Variants in YTHDC2 observed in about 807,000 individuals in gnomAD.
YTHDC2 encodes the protein YTH N6-methyladenosine RNA binding protein C2.
A neutral mutation model predicts 174.9 loss-of-function variants in YTHDC2; 45 were observed. The observed-to-expected ratio is 0.26, with a 90% CI of 0.20 to 0.33. YTHDC2 has a LOEUF of 0.33. YTHDC2 is among the 10% of genes least tolerant of loss of function. The pLI is 1.00. For missense variants in YTHDC2, 1,650 were observed against 1,723.7 expected (o/e 0.96, Z 0.76); for synonymous variants, 657 against 574.5 (o/e 1.14, Z -2.05).
At chr5:113,537,042 A>G (rs1199428213) in intron 7 of YTHDC2, among the ~76,000 whole-genome samples, 2 of 152,294 alleles carry the variant, frequency 1.3e-5, no homozygotes, top group South Asian at 2.1e-4. Flanking sequence ...AGTTGGTTCT[A>G]GATCCCCCGC....
intron 2 of YTHDC2, among the ~76,000 whole-genome samples, chr5:113,521,686 G>A (rs1371642672): frequency 2.0e-5 from 3 of 150,564 alleles, no homozygotes; most frequent in Non-Finnish European, 4.4e-5. Flanking sequence ...AGCCGAGATC[G>A]TGCCACTGCA....
At chr5:113,591,959 T>C (rs1283265663) in intron 27 of YTHDC2, 37 bp from the exon 28 acceptor site, 1 of 1,461,696 alleles carries the variant, frequency 6.8e-7, no homozygotes, top group Non-Finnish European at 9.1e-7. Context: ...GCTAATCTCC[T>C]CCTCACCTCT....
intron 7 of YTHDC2, 55 bp from the exon 8 acceptor site, chr5:113,539,019 A>G: frequency 2.3e-6 from 2 of 878,912 alleles, no homozygotes; most frequent in South Asian, 1.9e-5. Context: ...TCATGTTTTT[A>G]TGTGAATTTT....
intron 20 of YTHDC2, 162 bp from the exon 21 acceptor site, chr5:113,565,731 A>T: frequency 4.6e-6 from 3 of 657,570 alleles, no homozygotes; most frequent in Non-Finnish European, 6.8e-6. Context: ...AGTATAAATT[A>T]ATGATAAATA....
rs1050951143 is a variant in YTHDC2 at position 113,584,420 on chromosome 5, A to C, written c.3766A>C (p.Thr1256Pro). 1.2e-6 allele frequency: 2 copies of C among 1,613,840 alleles called. No individual in the cohort carries two copies. Among genetic ancestry groups the C allele is most frequent in the Non-Finnish European group, 1.7e-6 (2 of 1,179,830 alleles). ...DRSDQSSLKS[T>P]DSSSYPSPCA... ...ATCAGATCAGTCTTCTCTGAAATCTACAGACAGCAGTAGTTACCCAAGTCC... is the reference window on the plus strand; with the variant it reads ...ATCAGATCAGTCTTCTCTGAAATCTCCAGACAGCAGTAGTTACCCAAGTCC... The change falls in exon 26 of 30, where the codon ACA becomes CCA. Residue 1256 changes from threonine (T) to proline (P), a missense_variant. By Grantham distance (38) the Thr-to-Pro change is conservative. Transcript: ENST00000161863.
chr5:113,541,939 G>C (rs951924253), intron 9 of YTHDC2, among the ~76,000 whole-genome samples: 1 of 152,072 alleles, frequency 6.6e-6, no homozygotes, highest in African/African-American at 2.4e-5. Flanking sequence ...GTCACCTGAG[G>C]AGCTTTTAAA....
chr5:113,589,942 T>C (rs1363369682), intron 26 of YTHDC2, among the ~76,000 whole-genome samples: 1 of 152,216 alleles, frequency 6.6e-6, no homozygotes, highest in African/African-American at 2.4e-5. Flanking sequence ...CTTCTTGTTA[T>C]CCAGTGCTTT....
intron 4 of YTHDC2, 85 bp downstream of exon 4, chr5:113,526,870 A>G: frequency 2.9e-6 from 1 of 344,884 alleles, no homozygotes. Flanking sequence ...ATAATTTTAT[A>G]TCAAATTTAC....
chr5:113,519,778 T>A (rs1773736315), intron 2 of YTHDC2, among the ~76,000 whole-genome samples: 1 of 152,204 alleles, frequency 6.6e-6, no homozygotes, highest in Non-Finnish European at 1.5e-5. Context: ...TAACAATGGT[T>A]TTTTAAAAAA....
chr5:113,555,953 A>G, intron 16 of YTHDC2, 99 bp from the exon 17 acceptor site: 1 of 645,486 alleles, frequency 1.5e-6, no homozygotes, highest in Non-Finnish European at 2.6e-6. Flanking sequence ...AGGACTTTGA[A>G]TTAAACTTTT....
At chr5:113,514,211 G>T (rs899296701) in intron 1 of YTHDC2, 129 bp downstream of exon 1, 36 of 1,261,082 alleles carry the variant, frequency 2.9e-5, no homozygotes, top group Non-Finnish European at 3.9e-5. Context: ...CCACCGTCCG[G>T]GGCGGGCCTC....
At chr5:113,526,391 T>C (rs1367736278) in intron 3 of YTHDC2, among the ~76,000 whole-genome samples, 195 bp from the exon 4 acceptor site, 1 of 152,136 alleles carries the variant, frequency 6.6e-6, no homozygotes, top group Non-Finnish European at 1.5e-5. Context: ...GAATATTATG[T>C]GTAAGAGTAC....
chr5:113,516,118 T>A (rs1266839742), intron 2 of YTHDC2, among the ~76,000 whole-genome samples: 1 of 152,232 alleles, frequency 6.6e-6, no homozygotes, highest in African/African-American at 2.4e-5. Flanking sequence ...AAAAAATAGT[T>A]TAAAAGTTGA....
rs779793410 is a variant in YTHDC2 at position 113,561,112 on chromosome 5, G to A, written c.2249G>A (p.Arg750His). 92 of 1,608,166 alleles carry A rather than the reference G, an allele frequency of 5.7e-5. No individual in the cohort carries two copies. Among genetic ancestry groups the A allele is most frequent in the East Asian group, 2.2e-4 (10 of 44,730 alleles). ...CGATGTAGACCTGGAATTTGTTTTC[G>A]TCTGTTCAGTAGACTCCGATTCCAG... The part of the protein sequence containing the change: ...AGRCRPGICF[R>H]LFSRLRFQNM... Residue 750 changes from arginine to histidine, a missense_variant, in exon 18 of 30, where the codon CGT becomes CAT. Physicochemically the swap from Arg to His is conservative, Grantham distance 29 (BLOSUM62 0). This residue lies in a region of YTHDC2 where 913 missense variants were observed against 940.4 expected (regional missense o/e 0.97). Coordinates refer to ENST00000161863, the MANE Select transcript of YTHDC2 (RefSeq NM_022828.5).
intron 8 of YTHDC2, 106 bp from the exon 9 acceptor site, chr5:113,540,862 C>G: frequency 9.1e-7 from 1 of 1,094,104 alleles, no homozygotes; most frequent in South Asian, 1.7e-5. Flanking sequence ...CAGAATAAGA[C>G]CAACTTTTAA....
chr5:113,539,321 A>C, intron 8 of YTHDC2, 140 bp downstream of exon 8: 1 of 375,878 alleles, frequency 2.7e-6, no homozygotes, highest in Non-Finnish European at 4.8e-6. Context: ...TTATATTGGA[A>C]TATTGTCCCA....
chr5:113,524,855 A>G lies in YTHDC2; in HGVS notation c.279-126A>G, dbSNP rs1244708856. ...TACTGAATTTTTTTGGACTTTCAGC[A>G]TCTTCTCCCAAAGCATTTTGATTTT... On this transcript the variant is annotated intron_variant, in intron 2 of 29. Coordinates refer to ENST00000161863, the MANE Select transcript of YTHDC2 (RefSeq NM_022828.5). 4.2e-6 allele frequency: 3 copies of G among 707,700 alleles called. No homozygotes were observed. The Admixed American group carries it at 1.2e-4, about 29-fold the overall frequency. 43.8% of individuals were successfully genotyped at this position (707,700 alleles called of 1,614,324 possible).
chr5:113,522,336 AAT>A (rs1773934385), intron 2 of YTHDC2, among the ~76,000 whole-genome samples: 1 of 152,068 alleles, frequency 6.6e-6, no homozygotes. Context: ...TAAATTAGTA[AAT>A]TGATTAATGT....
intron 16 of YTHDC2, 50 bp from the exon 17 acceptor site, chr5:113,556,002 C>T (rs1776580508): frequency 8.4e-7 from 1 of 1,186,904 alleles, no homozygotes. Context: ...TTGCTATTAC[C>T]TTTTAAATAC....
Sources: gnomAD v4.1 joint callset for allele counts (sites outside exome capture counted in the v4.1 genomes callset) on GRCh38, gnomAD v4.1.1 for gene constraint, gnomAD v4.1.1 regional missense constraint, MANE v1.5 for transcripts, NCBI Gene and HGNC (gene_info 2026-07-23, HGNC 2026-07-21) for gene names.